Variants in COL18A1 observed in about 807,000 individuals in gnomAD.
COL18A1 encodes the protein collagen type XVIII alpha 1 chain.
In COL18A1, 133 loss-of-function variants were observed where a neutral mutation model predicts 168.0. That is an observed-to-expected ratio of 0.79 (90% confidence interval 0.69 to 0.91). The LOEUF is 0.91. COL18A1 is among the 40% of genes least tolerant of loss of function. The probability of loss-of-function intolerance (pLI) is 0.00; values close to 1 mark genes in which losing one functional copy is unlikely to be tolerated. For synonymous variants in COL18A1, 949 were observed against 809.0 expected (o/e 1.17, Z -2.94); for missense variants, 2,126 against 1,925.4 (o/e 1.10, Z -1.95).
At chr21:45,488,141 G>A (rs1465456337) in intron 17 of COL18A1, among the ~76,000 whole-genome samples, 4 of 152,246 alleles carry the variant, frequency 2.6e-5, no homozygotes, top group African/African-American at 7.2e-5. Context: ...TGAAGCCACA[G>A]CGTCCAGCTT....
chr21:45,427,566 G>A (rs1456287061), intron 2 of COL18A1, among the ~76,000 whole-genome samples: 2 of 152,292 alleles, frequency 1.3e-5, no homozygotes, highest in South Asian at 2.1e-4. Flanking sequence ...ACACCTCTGC[G>A]GTGTGTCTGG....
intron 2 of COL18A1, chr21:45,467,563 G>A (rs2035258215): frequency 1.9e-6 from 1 of 519,338 alleles, no homozygotes; most frequent in Non-Finnish European, 2.5e-6. Context: ...AGCGCTGGGT[G>A]AAATCCCGCA....
chr21:45,444,314 G>A (rs1047393041), intron 2 of COL18A1, among the ~76,000 whole-genome samples: 3 of 152,138 alleles, frequency 2.0e-5, no homozygotes, highest in East Asian at 1.9e-4. Flanking sequence ...CCGTGTGCCC[G>A]AGTAGGTGGC....
intron 22 of COL18A1, among the ~76,000 whole-genome samples, chr21:45,492,164 G>A (rs2036375187): frequency 6.6e-6 from 1 of 152,208 alleles, no homozygotes; most frequent in African/African-American, 2.4e-5. Flanking sequence ...GGCATCGGGA[G>A]GCAGGGGCAG....
chr21:45,476,236 G>C (rs1030063038), intron 5 of COL18A1, 115 bp from the exon 6 acceptor site: 13 of 1,490,460 alleles, frequency 8.7e-6, no homozygotes, highest in African/African-American at 4.2e-5. Context: ...TCCTGTTTCA[G>C]AGGATTTTTC....
intron 2 of COL18A1, among the ~76,000 whole-genome samples, chr21:45,444,650 G>A (rs921617487): frequency 1.6e-4 from 24 of 152,108 alleles, no homozygotes; most frequent in South Asian, 4.1e-4. Flanking sequence ...GAGAGGCTCC[G>A]GGGAGTGGAG....
At chr21:45,481,844 G>A (rs888150012) in intron 13 of COL18A1, 119 bp from the exon 14 acceptor site, 1 of 765,442 alleles carries the variant, frequency 1.3e-6, no homozygotes, top group African/African-American at 1.7e-5. Flanking sequence ...CCCTGTGTCT[G>A]GGGAACGTTC....
At chr21:45,447,690 G>A (rs973872687) in intron 2 of COL18A1, among the ~76,000 whole-genome samples, 2 of 152,138 alleles carry the variant, frequency 1.3e-5, no homozygotes, top group African/African-American at 4.8e-5. Context: ...AAGCAATCCT[G>A]GAGAAGAACA....
chr21:45,437,375 GAC>G (rs1183321036), intron 2 of COL18A1, among the ~76,000 whole-genome samples: 7 of 26,750 alleles, frequency 2.6e-4, no homozygotes, highest in Admixed American at 4.5e-4. Flanking sequence ...CACACACTCA[GAC>G]ACACAGGCAC....
intron 2 of COL18A1, among the ~76,000 whole-genome samples, chr21:45,411,855 G>A (rs112009326): frequency 2.8e-4 from 42 of 151,542 alleles, no homozygotes; most frequent in African/African-American, 8.5e-4. Context: ...ACAGCTCTGC[G>A]GCCCAAACGG....
Position 45,480,529 on chromosome 21 carries a change from C to G in COL18A1, c.1452+9C>G. 1.2e-6 allele frequency: 2 copies of G among 1,614,060 alleles called. No homozygotes were observed. The highest frequency in any genetic ancestry group is 1.7e-6 in the Non-Finnish European group (2 of 1,180,002). On this transcript the variant is annotated intron_variant, in intron 12 of 41. Transcript: ENST00000651438. ...ATCTGGAGGCCCTGCGGGTGAGTGGCCCTTAAACTGCAGCGCTGCCCGATG... is the reference window on the plus strand; with the variant it reads ...ATCTGGAGGCCCTGCGGGTGAGTGGGCCTTAAACTGCAGCGCTGCCCGATG...
At chr21:45,421,387 C>G in intron 2 of COL18A1, 1 of 533,156 alleles carries the variant, frequency 1.9e-6, no homozygotes, top group South Asian at 1.4e-5. Context: ...GGAGAGGGCA[C>G]TGCGGTGCCT....
rs536165171 is a variant in COL18A1 at position 45,508,227 on chromosome 21, TAGTGGGTA to T, written c.3249+642_3249+649del. 2.0e-3 allele frequency among the ~76,000 whole-genome samples: 262 copies of T among 130,964 alleles called. 1 individual carries two copies. The highest frequency in any genetic ancestry group is 1.2e-3 in the South Asian group (5 of 4,096). The allele number at this position is 130,964 out of a possible 152,430, so 85.9% of individuals were successfully genotyped here. On this transcript the variant is annotated intron_variant, in intron 38 of 41. Coordinates refer to ENST00000651438, the MANE Select transcript of COL18A1 (RefSeq NM_001379500.1). Reference sequence around the variant, plus strand: ...GTGAGTGTATGAATGGGTGGGTGGATAGTGGGTAAGTGGGTGAGTGGATGGTGGACAGG... The same window carrying T: ...GTGAGTGTATGAATGGGTGGGTGGATAGTGGGTGAGTGGATGGTGGACAGG...
chr21:45,481,939 C>G, intron 13 of COL18A1, 24 bp from the exon 14 acceptor site: 1 of 1,575,516 alleles, frequency 6.3e-7, no homozygotes, highest in Non-Finnish European at 8.7e-7. Context: ...CCATCAAGAC[C>G]CACTATGCTC....
At position 45,480,196 on chromosome 21, in the gene COL18A1, C is replaced by T. The variant is rs754341356; in HGVS notation, c.1398+40C>T. 3.7e-5 allele frequency: 47 copies of T among 1,268,510 alleles called. No homozygotes were observed. The South Asian group carries it at 4.8e-4, about 13-fold the overall frequency. 78.6% of individuals were successfully genotyped at this position (1,268,510 alleles called of 1,614,324 possible). A position where few individuals can be genotyped will look rare whatever the true frequency, so the allele number is the denominator to read the frequency against. ...TGGCTTCCTGCGACCCGGGGTCTGC[C>T]CTCCTCAAAAGCAGGCACTGCCTCT... On this transcript the variant is annotated intron_variant, in intron 11 of 41. Transcript: ENST00000651438.
intron 2 of COL18A1, chr21:45,455,543 C>T (rs1366656695): frequency 1.2e-6 from 2 of 1,613,412 alleles, no homozygotes; most frequent in East Asian, 4.5e-5. Context: ...GGCTCCCTAC[C>T]CCTGTGGCTG....
At chr21:45,405,695 C>T (rs1321933121) in intron 2 of COL18A1, among the ~76,000 whole-genome samples, 2 of 150,750 alleles carry the variant, frequency 1.3e-5, no homozygotes, top group Admixed American at 6.6e-5. Flanking sequence ...GGGAGGGGTG[C>T]GCGGTGCGAG....
intron 2 of COL18A1, among the ~76,000 whole-genome samples, chr21:45,448,932 G>A (rs1051615967): frequency 5.3e-5 from 8 of 152,282 alleles, no homozygotes; most frequent in East Asian, 1.9e-4. Flanking sequence ...TGTCTGACCC[G>A]CAGCCTGGAC....
rs560605850 is a variant in COL18A1, at chr21:45,494,571, G to A, written c.2379G>A (p.Pro793=). Residue 793 remains proline (P), a splice_region_variant and synonymous_variant, in exon 27 of 42, where the codon CCG becomes CCA. Coordinates refer to ENST00000651438, the MANE Select transcript of COL18A1 (RefSeq NM_001379500.1). ...AKGEPGFRGP[P]GPYGRPGYKG... ...GAGAGCCGGGCTTCCGAGGACCCCCGGTAAGTCGGTCCCTGGCTTTCTCTG... is the reference window on the plus strand; with the variant it reads ...GAGAGCCGGGCTTCCGAGGACCCCCAGTAAGTCGGTCCCTGGCTTTCTCTG... The A allele has an allele frequency of 5.6e-5, 91 of 1,613,160 alleles. 1 individual carries two copies. The highest frequency in any genetic ancestry group is 6.2e-5 in the Non-Finnish European group (73 of 1,179,978).
Sources: gnomAD v4.1 joint callset for allele counts (sites outside exome capture counted in the v4.1 genomes callset) on GRCh38, gnomAD v4.1.1 for gene constraint, MANE v1.5 for transcripts, NCBI Gene and HGNC (gene_info 2026-07-23, HGNC 2026-07-21) for gene names.